Variants in DGKB observed in about 807,000 individuals in gnomAD.
DGKB encodes 90 kDa diacylglycerol kinase.
Under a neutral mutation model 114.3 loss-of-function variants are expected in DGKB, and 67 were observed. The ratio of observed to expected loss-of-function variants is 0.59; its 90% confidence interval spans 0.48 to 0.72. DGKB has a LOEUF of 0.72. Among genes scored for constraint, DGKB ranks in the 30% least tolerant of loss-of-function variants. DGKB has a pLI of 0.00. For missense variants in DGKB, 907 were observed against 975.2 expected (o/e 0.93, Z 0.93); for synonymous variants, 398 against 323.1 (o/e 1.23, Z -2.49).
chr7:14,401,423 C>G (rs1463319198), intron 21 of DGKB, among the ~76,000 whole-genome samples: 1 of 151,834 alleles, frequency 6.6e-6, no homozygotes, highest in African/African-American at 2.4e-5. Flanking sequence ...GATGTTAAGC[C>G]AGTGCACTGC....
chr7:14,260,619 C>CAGTT (rs1411227344), intron 23 of DGKB, among the ~76,000 whole-genome samples: 1 of 152,134 alleles, frequency 6.6e-6, no homozygotes, highest in Non-Finnish European at 1.5e-5. Flanking sequence ...CCTATTACAT[C>CAGTT]AGTTAGGTTA....
chr7:14,736,391 C>T (rs1404453066), intron 4 of DGKB, among the ~76,000 whole-genome samples, 197 bp from the exon 5 acceptor site: 2 of 152,134 alleles, frequency 1.3e-5, no homozygotes, highest in African/African-American at 4.8e-5. Context: ...TTTGTCTTAC[C>T]TGTGATGGCA....
At chr7:14,718,110 T>G (rs1828523554) in intron 6 of DGKB, among the ~76,000 whole-genome samples, 1 of 152,206 alleles carries the variant, frequency 6.6e-6, no homozygotes, top group South Asian at 2.1e-4. Flanking sequence ...AGAGTGTTAG[T>G]GCTGAAGATT....
chr7:14,652,835 T>G (rs183717959), intron 13 of DGKB, among the ~76,000 whole-genome samples: 1 of 152,142 alleles, frequency 6.6e-6, no homozygotes, highest in East Asian at 1.9e-4. Context: ...CATCAAAAAG[T>G]GGGCAAAGTA....
chr7:14,671,026 C>T (rs955363477), intron 13 of DGKB, among the ~76,000 whole-genome samples: 3 of 152,042 alleles, frequency 2.0e-5, no homozygotes, highest in African/African-American at 7.2e-5. Flanking sequence ...AATAATATAT[C>T]GGGTATATGC....
chr7:14,302,523 A>T (rs139210570), intron 23 of DGKB, among the ~76,000 whole-genome samples: 1 of 151,976 alleles, frequency 6.6e-6, no homozygotes, highest in Admixed American at 6.6e-5. Context: ...CCCCGGCCCC[A>T]TTGCTCGTTT....
chr7:14,222,461 T>TAA (rs1790143905), intron 23 of DGKB, among the ~76,000 whole-genome samples: 1 of 151,354 alleles, frequency 6.6e-6, no homozygotes, highest in Non-Finnish European at 1.5e-5. Context: ...TTTCTTTTGT[T>TAA]ATTGATTTCT....
chr7:14,814,812 C>A (rs1474845731), intron 2 of DGKB, among the ~76,000 whole-genome samples: 1 of 152,152 alleles, frequency 6.6e-6, no homozygotes, highest in East Asian at 1.9e-4. Flanking sequence ...TGAACATACT[C>A]TAGGTAACTT....
At chr7:14,713,794 T>C (rs886248748) in intron 6 of DGKB, among the ~76,000 whole-genome samples, 2 of 152,018 alleles carry the variant, frequency 1.3e-5, no homozygotes, top group African/African-American at 4.8e-5. Flanking sequence ...GTTATCTACT[T>C]TCTGAATATT....
chr7:14,696,399 G>A (rs1823902201), intron 8 of DGKB, among the ~76,000 whole-genome samples: 1 of 150,750 alleles, frequency 6.6e-6, no homozygotes, highest in Admixed American at 6.7e-5. Context: ...GGAGGCTGAG[G>A]CAGGAGAATG....
chr7:14,166,809 A>T (rs1784674126), intron 25 of DGKB, among the ~76,000 whole-genome samples: 1 of 152,314 alleles, frequency 6.6e-6, no homozygotes, highest in East Asian at 1.9e-4. Context: ...CAAAAACTGG[A>T]ATTGTATACC....
intron 9 of DGKB, among the ~76,000 whole-genome samples, chr7:14,687,678 T>C (rs1466801048): frequency 6.6e-6 from 1 of 152,190 alleles, no homozygotes; most frequent in African/African-American, 2.4e-5. Context: ...AGTAGCTAAG[T>C]GCTTAAAAAC....
chr7:14,313,679 C>T (rs1805868683), intron 23 of DGKB, among the ~76,000 whole-genome samples: 1 of 152,130 alleles, frequency 6.6e-6, no homozygotes, highest in African/African-American at 2.4e-5. Flanking sequence ...TGAGATCAAA[C>T]TGCAAGGCGG....
chr7:14,607,581 G>A, intron 16 of DGKB, 73 bp from the exon 17 acceptor site: 1 of 565,864 alleles, frequency 1.8e-6, no homozygotes, highest in Non-Finnish European at 3.1e-6. Flanking sequence ...GTCTCTCAGT[G>A]TTATAAAATA....
chr7:14,534,090 A>G (rs542023751), intron 20 of DGKB, among the ~76,000 whole-genome samples: 1 of 152,174 alleles, frequency 6.6e-6, no homozygotes, highest in African/African-American at 2.4e-5. Flanking sequence ...ATTACTTATA[A>G]CTATCACCAC....
intron 1 of DGKB, among the ~76,000 whole-genome samples, chr7:14,858,191 CTT>C (rs1368882033): frequency 1.3e-5 from 2 of 152,108 alleles, no homozygotes; most frequent in African/African-American, 4.8e-5. Context: ...TAGGGCTTCT[CTT>C]TTGCTTTAAA....
chr7:14,331,992 G>C (rs1441757717), intron 23 of DGKB, among the ~76,000 whole-genome samples: 1 of 152,086 alleles, frequency 6.6e-6, no homozygotes, highest in African/African-American at 2.4e-5. Context: ...AGCTTATTCT[G>C]GGGGAAATAA....
Position 14,668,562 on chromosome 7 carries a change from A to C in DGKB, c.1134+4367T>G, listed in dbSNP as rs548547228. ...TGGGAACAATTATAATATTTATCTT[A>C]TGTTGTCACTTTGAAAACAAAATGA... On this transcript the variant is annotated intron_variant, in intron 13 of 25. Transcript: ENST00000402815. Among the ~76,000 whole-genome samples, 9 of 152,192 alleles carry C rather than the reference A, an allele frequency of 5.9e-5. No homozygotes were observed. In the South Asian group the frequency reaches 1.9e-3, roughly 32 times the overall value.
chr7:14,287,779 G>A (rs902948558), intron 23 of DGKB, among the ~76,000 whole-genome samples: 9 of 152,138 alleles, frequency 5.9e-5, no homozygotes, highest in African/African-American at 1.9e-4. Context: ...AGAAGTTGGT[G>A]TCCAATTACC....
Sources: allele counts gnomAD v4.1 joint callset (sites outside exome capture counted in the v4.1 genomes callset), GRCh38; gene constraint gnomAD v4.1.1; transcripts MANE v1.5; gene names NCBI Gene and HGNC (gene_info 2026-07-23, HGNC 2026-07-21).